The following ADAMTSL1 variants were observed in gnomAD, a reference collection of about 807,000 sequenced individuals.
ADAMTSL1 encodes the protein ADAMTS-like protein 1.
In ADAMTSL1, 126 loss-of-function variants were observed where a neutral mutation model predicts 201.8. That is an observed-to-expected ratio of 0.62 (90% confidence interval 0.54 to 0.72). The LOEUF (loss-of-function observed/expected upper bound fraction) is 0.72. Ranked by LOEUF, ADAMTSL1 falls within the 30% of genes least tolerant of loss-of-function variation. The pLI, the probability that ADAMTSL1 is intolerant of heterozygous loss-of-function variation, is 0.00. For missense variants in ADAMTSL1, 2,679 were observed against 2,277.8 expected (o/e 1.18, Z -3.59); for synonymous variants, 1,121 against 903.4 (o/e 1.24, Z -4.32).
chr9:18,466,980 T>G (rs1821031540), intron 2 of ADAMTSL1, among the ~76,000 whole-genome samples: 1 of 152,226 alleles, frequency 6.6e-6, no homozygotes, highest in Non-Finnish European at 1.5e-5. Flanking sequence ...TTTGTAATTC[T>G]CCTATTTGCT....
intron 3 of ADAMTSL1, among the ~76,000 whole-genome samples, chr9:18,541,778 A>G (rs1182778757): frequency 6.6e-6 from 1 of 152,246 alleles, no homozygotes; most frequent in African/African-American, 2.4e-5. Flanking sequence ...TACAATGTTA[A>G]TGGTAATTTT....
chr9:18,701,088 A>C (rs1219197123), intron 13 of ADAMTSL1, among the ~76,000 whole-genome samples: 1 of 152,200 alleles, frequency 6.6e-6, no homozygotes, highest in African/African-American at 2.4e-5. Context: ...AATCATTTGC[A>C]CTATCAATTT....
chr9:18,888,969 A>G (rs549040100), intron 24 of ADAMTSL1, among the ~76,000 whole-genome samples: 4 of 152,310 alleles, frequency 2.6e-5, no homozygotes, highest in Admixed American at 2.6e-4. Flanking sequence ...GACTTGTAAT[A>G]TGCAACTTTG....
intron 1 of ADAMTSL1, among the ~76,000 whole-genome samples, chr9:18,114,554 C>A (rs536979601): frequency 4.1e-4 from 63 of 152,080 alleles, no homozygotes; most frequent in African/African-American, 1.4e-3. Flanking sequence ...TAAGGATTCC[C>A]CCATAAAGAC....
chr9:18,097,323 G>T (rs539953319), intron 1 of ADAMTSL1, among the ~76,000 whole-genome samples: 2 of 152,298 alleles, frequency 1.3e-5, no homozygotes, highest in East Asian at 3.9e-4. Flanking sequence ...ATAGATATTT[G>T]TGTTTCTGGA....
At chr9:18,859,624 A>C (rs990301722) in intron 23 of ADAMTSL1, among the ~76,000 whole-genome samples, 1 of 152,212 alleles carries the variant, frequency 6.6e-6, no homozygotes, top group Non-Finnish European at 1.5e-5. Context: ...CTGAAGGGCA[A>C]TTTAGCAATG....
At chr9:18,184,342 T>C (rs1416106952) in intron 2 of ADAMTSL1, among the ~76,000 whole-genome samples, 1 of 152,194 alleles carries the variant, frequency 6.6e-6, no homozygotes, top group Non-Finnish European at 1.5e-5. Context: ...TCCAGACTGG[T>C]GGCTGCAGTG....
chr9:18,026,813 C>T (rs866272749), intron 1 of ADAMTSL1, among the ~76,000 whole-genome samples: 3 of 152,088 alleles, frequency 2.0e-5, no homozygotes, highest in Non-Finnish European at 2.9e-5. Flanking sequence ...TGGTAGAATT[C>T]GGCTGTGAAT....
chr9:18,789,856 T>C (rs897828977), intron 19 of ADAMTSL1, among the ~76,000 whole-genome samples: 1 of 151,986 alleles, frequency 6.6e-6, no homozygotes, highest in African/African-American at 2.4e-5. Context: ...GGCAGATAAG[T>C]TTGGAAAGAA....
At chr9:18,518,680 G>A (rs1364709495) in intron 2 of ADAMTSL1, among the ~76,000 whole-genome samples, 2 of 152,152 alleles carry the variant, frequency 1.3e-5, no homozygotes, top group East Asian at 3.9e-4. Flanking sequence ...GGGATTGCTA[G>A]GTTAAATGGT....
chr9:18,843,997 G>C (rs4977262), intron 23 of ADAMTSL1, among the ~76,000 whole-genome samples: 1 of 151,910 alleles, frequency 6.6e-6, no homozygotes, highest in African/African-American at 2.4e-5. Context: ...CCTGTAGCTC[G>C]GAGTAGTTTG....
intron 5 of ADAMTSL1, among the ~76,000 whole-genome samples, chr9:18,624,853 A>G (rs1419989272): frequency 1.3e-5 from 2 of 152,200 alleles, no homozygotes; most frequent in African/African-American, 4.8e-5. Flanking sequence ...TAAATTATAT[A>G]ATACACAACC....
At chr9:18,077,302 G>A (rs1823277220) in intron 1 of ADAMTSL1, among the ~76,000 whole-genome samples, 1 of 152,158 alleles carries the variant, frequency 6.6e-6, no homozygotes, top group Non-Finnish European at 1.5e-5. Flanking sequence ...AGGAAAGAGA[G>A]GGCAGAGAAC....
In ADAMTSL1 at chr9:17,925,436, C is replaced by G. The variant is rs1389755397; in HGVS notation, c.87+18514C>G. On this transcript the variant is annotated intron_variant, in intron 1 of 29. Transcript: ENST00000680146. ...TTTATTGCGGCATTATTCACAATAG[C>G]AAAGACTTGGAACCAACCCAAATGT... 2.0e-4 allele frequency among the ~76,000 whole-genome samples: 20 copies of G among 99,972 alleles called. 3 individuals are homozygous for G. The highest frequency in any genetic ancestry group is 3.8e-4 in the Non-Finnish European group (18 of 47,064). The allele number at this position is 99,972 out of a possible 152,430, so 65.6% of individuals were successfully genotyped here.
intron 2 of ADAMTSL1, among the ~76,000 whole-genome samples, chr9:18,204,769 G>A (rs1368356829): frequency 6.6e-6 from 1 of 152,126 alleles, no homozygotes; most frequent in Non-Finnish European, 1.5e-5. Context: ...TCAATTAGAG[G>A]CTATCCAAAG....
rs910754495 is a variant in ADAMTSL1 at position 18,830,814 on chromosome 9, C to G, written c.4249+837C>G. Among the ~76,000 whole-genome samples the G allele has an allele frequency of 6.6e-5, 10 of 152,270 alleles. No individual in the cohort carries two copies. The South Asian group carries it at 1.7e-3, about 25-fold the overall frequency. ...TGTACCTTCCTCTTGTGCTGTGAAC[C>G]TAAGATCTAAAACTCCTCTTTAAAA... On this transcript the variant is annotated intron_variant, in intron 23 of 28. Coordinates refer to ENST00000380548, the MANE Select transcript of ADAMTSL1 (RefSeq NM_001040272.6).
chr9:18,560,393 T>C (rs1821408205), intron 3 of ADAMTSL1, among the ~76,000 whole-genome samples: 1 of 152,232 alleles, frequency 6.6e-6, no homozygotes. Context: ...TTTGATGTGC[T>C]ACTGGATTCA....
At chr9:18,460,403 C>T (rs1820765276) in intron 2 of ADAMTSL1, among the ~76,000 whole-genome samples, 1 of 152,156 alleles carries the variant, frequency 6.6e-6, no homozygotes, top group African/African-American at 2.4e-5. Context: ...TCAATTTCAA[C>T]TTCTTCAGCC....
At position 18,721,732 on chromosome 9, in the gene ADAMTSL1, G is replaced by A. The variant is rs1833396281; in HGVS notation, c.2006+67G>A. 5 of 1,559,042 alleles carry A rather than the reference G, an allele frequency of 3.2e-6. No homozygotes were observed. In the South Asian group the frequency reaches 4.8e-5, roughly 15 times the overall value. ...CAGAACTGGGCGCATCTTTCAGTGG[G>A]CAAGACTGTAACACTTATTTGTTAC... is the stretch of plus-strand genomic sequence containing the variant. On this transcript the variant is annotated intron_variant, in intron 15 of 28. Transcript: ENST00000380548.
Sources: allele counts gnomAD v4.1 joint callset (sites outside exome capture counted in the v4.1 genomes callset), GRCh38; gene constraint gnomAD v4.1.1; transcripts MANE v1.5; gene names NCBI Gene and HGNC (gene_info 2026-07-23, HGNC 2026-07-21).